The following WWOX variants were observed in gnomAD, a reference collection of about 807,000 sequenced individuals.
WWOX encodes WW domain-containing oxidoreductase.
Under a neutral mutation model 46.2 loss-of-function variants are expected in WWOX, and 69 were observed. The ratio of observed to expected loss-of-function variants is 1.49; its 90% CI spans 1.23 to 1.82. The LOEUF (loss-of-function observed/expected upper bound fraction) is 1.82. Among genes scored for constraint, WWOX ranks in the 40% most tolerant of loss-of-function variants. The probability of loss-of-function intolerance (pLI) is 0.00; values close to 1 mark genes in which losing one functional copy is unlikely to be tolerated. For missense variants in WWOX, 919 were observed against 542.6 expected (o/e 1.69, Z -6.89); for synonymous variants, 359 against 202.6 (o/e 1.77, Z -6.56).
Position 79,191,346 on chromosome 16 carries a change from G to A in WWOX, c.1057-20262G>A, listed in dbSNP as rs28536481. ...GCTGGGATCACAGGCGTGAGCCAGC[G>A]CGCCCAGCCCATGACTTCTCTTTAT... is the stretch of plus-strand genomic sequence containing the variant. On this transcript the variant is annotated intron_variant, in intron 8 of 8. Transcript: ENST00000566780. Among the ~76,000 whole-genome samples, 622 of 152,016 alleles carry A rather than the reference G, an allele frequency of 4.1e-3. 3 individuals carry two copies. The highest frequency in any genetic ancestry group is 0.024 in the Middle Eastern group (7 of 294).
intron 5 of WWOX, among the ~76,000 whole-genome samples, chr16:78,228,321 A>C (rs1310376562): frequency 6.7e-6 from 1 of 149,270 alleles, no homozygotes; most frequent in Non-Finnish European, 1.5e-5. Flanking sequence ...ACATGAGTCA[A>C]TAGGAATCAT....
In WWOX at chr16:79,026,614, C is replaced by T. The variant is rs116025634; in HGVS notation, c.1057-184994C>T. Among the ~76,000 whole-genome samples the T allele has an allele frequency of 5.1e-3, 516 of 101,080 alleles. 9 individuals are homozygous for T. Among genetic ancestry groups the T allele is most frequent in the African/African-American group, 0.019 (465 of 24,456 alleles). 66.3% of individuals were successfully genotyped at this position (101,080 alleles called of 152,430 possible). On this transcript the variant is annotated intron_variant, in intron 8 of 8. Transcript: ENST00000566780. ...CACAGAGCCTGGCATGTGGTAGACT[C>T]TTTTTTTTTTTTTTTTTTTTTGAGA...
At chr16:78,654,411 A>G (rs1009465313) in intron 8 of WWOX, among the ~76,000 whole-genome samples, 2 of 152,222 alleles carry the variant, frequency 1.3e-5, no homozygotes, top group African/African-American at 4.8e-5. Flanking sequence ...GCTGTGTACT[A>G]TGCTCTATTG....
intron 8 of WWOX, among the ~76,000 whole-genome samples, chr16:78,460,951 A>G (rs1164818611): frequency 1.3e-5 from 2 of 151,744 alleles, no homozygotes; most frequent in South Asian, 2.1e-4. Context: ...CAGGGGTATC[A>G]GTAATGTTGA....
intron 5 of WWOX, among the ~76,000 whole-genome samples, chr16:78,307,207 T>C (rs2080150974): frequency 6.6e-6 from 1 of 152,208 alleles, no homozygotes; most frequent in South Asian, 2.1e-4. Context: ...ACTAACTACC[T>C]GTTCACTGCT....
chr16:78,725,202 ATGATGTGC>A (rs2048795959), intron 8 of WWOX, among the ~76,000 whole-genome samples: 1 of 151,216 alleles, frequency 6.6e-6, no homozygotes, highest in Non-Finnish European at 1.5e-5. Flanking sequence ...ACTGCCATGT[ATGATGTGC>A]CTTTCGCTTT....
At chr16:78,457,578 C>A (rs1436768197) in intron 8 of WWOX, among the ~76,000 whole-genome samples, 1 of 151,922 alleles carries the variant, frequency 6.6e-6, no homozygotes, top group Admixed American at 6.6e-5. Context: ...TAAGACTCTG[C>A]ATTTACAACA....
At chr16:79,117,481 G>C (rs1445946142) in intron 8 of WWOX, among the ~76,000 whole-genome samples, 1 of 152,186 alleles carries the variant, frequency 6.6e-6, no homozygotes. Context: ...AGGACCCTAG[G>C]ATTTTGGGAA....
intron 8 of WWOX, among the ~76,000 whole-genome samples, chr16:78,804,819 T>A (rs1428204294): frequency 6.6e-6 from 1 of 152,164 alleles, no homozygotes; most frequent in East Asian, 1.9e-4. Flanking sequence ...GAAAAAAAAA[T>A]CCTGTTTATA....
chr16:79,161,179 G>A (rs1447264309), intron 8 of WWOX, among the ~76,000 whole-genome samples: 1 of 152,204 alleles, frequency 6.6e-6, no homozygotes, highest in Admixed American at 6.5e-5. Context: ...GCAAAGACAA[G>A]TACCAATATA....
intron 8 of WWOX, among the ~76,000 whole-genome samples, chr16:79,067,664 A>C (rs529088641): frequency 5.9e-5 from 9 of 151,666 alleles, no homozygotes; most frequent in Non-Finnish European, 1.2e-4. Flanking sequence ...CACCACCTGC[A>C]TATTATGCTT....
intron 8 of WWOX, among the ~76,000 whole-genome samples, chr16:78,611,081 T>C (rs1176543507): frequency 2.0e-5 from 3 of 152,240 alleles, no homozygotes; most frequent in African/African-American, 7.2e-5. Flanking sequence ...AGTAAATGTA[T>C]ATCCCAGTGT....
chr16:79,153,028 G>A (rs9922411), intron 8 of WWOX, among the ~76,000 whole-genome samples: 8 of 152,126 alleles, frequency 5.3e-5, no homozygotes, highest in Admixed American at 1.3e-4. Flanking sequence ...CAAAAGAGCC[G>A]GGCAAGGAGA....
chr16:78,483,568 C>G (rs927649368), intron 8 of WWOX, among the ~76,000 whole-genome samples: 1 of 151,958 alleles, frequency 6.6e-6, no homozygotes, highest in African/African-American at 2.4e-5. Context: ...TGGTGCTGTA[C>G]GCAGACTCGG....
intron 5 of WWOX, among the ~76,000 whole-genome samples, chr16:78,292,314 C>A (rs974747957): frequency 6.6e-6 from 1 of 152,102 alleles, no homozygotes; most frequent in Non-Finnish European, 1.5e-5. Context: ...TTGAATACGT[C>A]AAAGTGATGA....
chr16:78,385,415 C>T (rs2082041651), intron 5 of WWOX, among the ~76,000 whole-genome samples: 1 of 152,188 alleles, frequency 6.6e-6, no homozygotes, highest in African/African-American at 2.4e-5. Context: ...ATGTTAGGAA[C>T]TTATGAACAT....
At chr16:78,172,717 C>T (rs1033224535) in intron 5 of WWOX, among the ~76,000 whole-genome samples, 29 of 151,950 alleles carry the variant, frequency 1.9e-4, no homozygotes, top group Admixed American at 1.4e-3. Flanking sequence ...GAAAGTCAAG[C>T]ATAGGTGGCT....
At chr16:78,531,157 T>A (rs72803918) in intron 8 of WWOX, among the ~76,000 whole-genome samples, 1 of 151,878 alleles carries the variant, frequency 6.6e-6, no homozygotes, top group South Asian at 2.1e-4. Flanking sequence ...GTTCTCACAA[T>A]GTAGAAATTA....
chr16:78,622,375 T>C (rs2046210694), intron 8 of WWOX, among the ~76,000 whole-genome samples: 1 of 151,952 alleles, frequency 6.6e-6, no homozygotes, highest in Admixed American at 6.6e-5. Flanking sequence ...AAACCCCACC[T>C]CTACTAAAAA....
Sources: allele counts gnomAD v4.1 joint callset (sites outside exome capture counted in the v4.1 genomes callset), GRCh38; gene constraint gnomAD v4.1.1; transcripts MANE v1.5; gene names NCBI Gene and HGNC (gene_info 2026-07-23, HGNC 2026-07-21).